Variants in XYLT1 observed in about 807,000 individuals in gnomAD.
XYLT1 encodes the protein beta-D-xylosyltransferase 1.
Under a neutral mutation model 91.3 loss-of-function variants are expected in XYLT1, and 36 were observed. That is an observed-to-expected ratio of 0.39 (90% confidence interval 0.30 to 0.52). The LOEUF is 0.52. Ranked by LOEUF, XYLT1 falls within the 20% of genes least tolerant of loss-of-function variation. The probability of loss-of-function intolerance (pLI) is 0.68; values close to 1 mark genes in which losing one functional copy is unlikely to be tolerated. For synonymous variants in XYLT1, 588 were observed against 532.0 expected (o/e 1.11, Z -1.45); for missense variants, 1,242 against 1,284.5 (o/e 0.97, Z 0.51).
intron 8 of XYLT1, among the ~76,000 whole-genome samples, chr16:17,138,002 T>TA: frequency 6.6e-6 from 1 of 151,538 alleles, no homozygotes; most frequent in East Asian, 2.0e-4. Flanking sequence ...ATGTAACAAA[T>TA]ATTTTGGGAG....
intron 5 of XYLT1, among the ~76,000 whole-genome samples, chr16:17,184,335 G>A (rs1413102677): frequency 1.3e-5 from 2 of 151,968 alleles, no homozygotes; most frequent in East Asian, 1.9e-4. Context: ...GGAGGGATTC[G>A]GAAGAAAATA....
intron 1 of XYLT1, among the ~76,000 whole-genome samples, chr16:17,464,307 G>T (rs1012442828): frequency 6.6e-6 from 1 of 152,054 alleles, no homozygotes; most frequent in Non-Finnish European, 1.5e-5. Context: ...TGGCCAACAC[G>T]GCAAAACCTC....
At chr16:17,207,750 T>C (rs1456903643) in intron 3 of XYLT1, among the ~76,000 whole-genome samples, 1 of 152,134 alleles carries the variant, frequency 6.6e-6, no homozygotes, top group Non-Finnish European at 1.5e-5. Context: ...CCGCAGCTGC[T>C]GCTCATGCGG....
chr16:17,244,454 T>C (rs1456564960), intron 3 of XYLT1, among the ~76,000 whole-genome samples: 2 of 152,210 alleles, frequency 1.3e-5, no homozygotes, highest in Non-Finnish European at 2.9e-5. Context: ...GTCAAGGTCC[T>C]GTTGGTGACC....
chr16:17,444,814 G>A (rs2036573653), intron 1 of XYLT1, among the ~76,000 whole-genome samples: 1 of 152,182 alleles, frequency 6.6e-6, no homozygotes, highest in Non-Finnish European at 1.5e-5. Context: ...CTGGCACATA[G>A]TAGGTGCTCA....
chr16:17,379,763 T>TCTCTCTTTCTCACACACA (rs373354877), intron 1 of XYLT1, among the ~76,000 whole-genome samples: 3 of 125,546 alleles, frequency 2.4e-5, no homozygotes, highest in African/African-American at 9.5e-5. Flanking sequence ...TCTCTCTCTC[T>TCTCTCTTTCTCACACACA]CACACACACA....
intron 2 of XYLT1, among the ~76,000 whole-genome samples, chr16:17,309,637 G>A (rs193024160): frequency 1.7e-3 from 262 of 152,272 alleles, no homozygotes; most frequent in African/African-American, 5.9e-3. Flanking sequence ...TTTTTCCAGC[G>A]CTGCAGATTT....
rs574532859 is a variant in XYLT1, at chr16:17,444,515, T to C, written c.363+25919A>G. On this transcript the variant is annotated intron_variant, in intron 1 of 11. Transcript: ENST00000261381. ...CATGTCCAGCTAACTTCTTCTTCTT[T>C]TTTTTTTTTTTAATAGAGACAGAGT... Among the ~76,000 whole-genome samples, 41 of 149,502 alleles carry C rather than the reference T, an allele frequency of 2.7e-4. No individual in the cohort carries two copies. The South Asian group carries it at 6.3e-3, about 23-fold the overall frequency.
chr16:17,464,757 G>A (rs551530583), intron 1 of XYLT1, among the ~76,000 whole-genome samples: 2 of 151,950 alleles, frequency 1.3e-5, no homozygotes, highest in Non-Finnish European at 2.9e-5. Flanking sequence ...TGCATCATGA[G>A]TTAGGGGTCT....
chr16:17,373,485 G>T (rs558734929), intron 1 of XYLT1, among the ~76,000 whole-genome samples: 3 of 152,010 alleles, frequency 2.0e-5, no homozygotes, highest in Non-Finnish European at 4.4e-5. Context: ...AAGTTACCGT[G>T]TAGTACACGT....
chr16:17,281,909 C>T (rs2141785657), intron 2 of XYLT1, among the ~76,000 whole-genome samples: 1 of 152,288 alleles, frequency 6.6e-6, no homozygotes, highest in Non-Finnish European at 1.5e-5. Context: ...ATGGGCCATA[C>T]CTGAGATTCC....
chr16:17,292,882 C>T (rs1206758047), intron 2 of XYLT1, among the ~76,000 whole-genome samples: 2 of 152,180 alleles, frequency 1.3e-5, no homozygotes, highest in Non-Finnish European at 2.9e-5. Context: ...CGTTCATCCA[C>T]TTCATCTCAG....
chr16:17,430,847 C>A (rs2141931772), intron 1 of XYLT1, among the ~76,000 whole-genome samples: 1 of 152,266 alleles, frequency 6.6e-6, no homozygotes, highest in South Asian at 2.1e-4. Flanking sequence ...TTTTAATTTT[C>A]ATTATCTCAT....
chr16:17,324,046 T>C (rs182468963), intron 2 of XYLT1, among the ~76,000 whole-genome samples: 44 of 152,288 alleles, frequency 2.9e-4, no homozygotes, highest in Admixed American at 2.7e-3. Context: ...TCATTTGTTT[T>C]AGACAGGCAC....
At position 17,261,706 on chromosome 16, in the gene XYLT1, T is replaced by C. The variant is rs140814863; in HGVS notation, c.403-2208A>G. Reference sequence around the variant, plus strand: ...GCCTATTGTGTTGCAGGAAGTCATATAGAGACAGTAAGCAGCAGCCACGAA... The same window carrying C: ...GCCTATTGTGTTGCAGGAAGTCATACAGAGACAGTAAGCAGCAGCCACGAA... On this transcript the variant is annotated intron_variant, in intron 2 of 11. Transcript: ENST00000261381. Among the ~76,000 whole-genome samples the C allele has an allele frequency of 4.6e-3, 704 of 152,194 alleles. 4 individuals are homozygous for C. Among genetic ancestry groups the C allele is most frequent in the African/African-American group, 0.016 (649 of 41,516 alleles).
intron 3 of XYLT1, among the ~76,000 whole-genome samples, chr16:17,246,090 C>A (rs2033431442): frequency 6.6e-6 from 1 of 152,200 alleles, no homozygotes; most frequent in African/African-American, 2.4e-5. Context: ...AGTGGTTAAG[C>A]CCCTTGCCAC....
At chr16:17,165,345 C>T (rs544816328) in intron 5 of XYLT1, among the ~76,000 whole-genome samples, 13 of 152,276 alleles carry the variant, frequency 8.5e-5, no homozygotes, top group African/African-American at 2.6e-4. Flanking sequence ...CTCATCAGCA[C>T]GTACAGGCAG....
intron 2 of XYLT1, among the ~76,000 whole-genome samples, chr16:17,287,690 C>G (rs1011919171): frequency 1.3e-5 from 2 of 152,148 alleles, no homozygotes; most frequent in African/African-American, 4.8e-5. Flanking sequence ...TGTGGGGCTC[C>G]TGGAGAGGAA....
At chr16:17,213,784 A>G (rs907709939) in intron 3 of XYLT1, among the ~76,000 whole-genome samples, 1 of 151,842 alleles carries the variant, frequency 6.6e-6, no homozygotes, top group African/African-American at 2.4e-5. Context: ...ATGCCCGGCT[A>G]ATTTTTTGTA....
Sources: gnomAD v4.1 joint callset for allele counts (sites outside exome capture counted in the v4.1 genomes callset) on GRCh38, gnomAD v4.1.1 for gene constraint, MANE v1.5 for transcripts, NCBI Gene and HGNC (gene_info 2026-07-23, HGNC 2026-07-21) for gene names.